The following TENM3 variants were observed in gnomAD, a reference collection of about 807,000 sequenced individuals.
TENM3 encodes teneurin-3.
Under a neutral mutation model 255.1 loss-of-function variants are expected in TENM3, and 63 were observed. The ratio of observed to expected loss-of-function variants is 0.25; its 90% CI spans 0.20 to 0.30. The LOEUF (loss-of-function observed/expected upper bound fraction) is 0.30, where lower values mean the gene tolerates loss of function less well. TENM3 is among the 10% of genes least tolerant of loss of function. TENM3 has a pLI of 1.00. For missense variants in TENM3, 2,929 were observed against 3,461.1 expected, an observed-to-expected ratio of 0.85 and a Z score of 3.86; for synonymous variants, 1,306 against 1,322.3, an observed-to-expected ratio of 0.99 and a Z score of 0.27.
the TENM3 span, among the ~76,000 whole-genome samples, chr4:181,622,719 C>T: frequency 0.99 from 150,936 of 152,298 alleles, 74,813 homozygotes; most frequent in East Asian, 1. Flanking sequence ...TTGTATGAGA[C>T]GGGAGGGCTT....
the TENM3 span, among the ~76,000 whole-genome samples, chr4:181,619,003 C>G: frequency 6.6e-6 from 1 of 152,136 alleles, no homozygotes; most frequent in Non-Finnish European, 1.5e-5. Flanking sequence ...CCTTTAGGGA[C>G]CACATAAGCA....
chr4:182,755,913 G>A (rs543066449), intron 22 of TENM3, among the ~76,000 whole-genome samples: 1 of 152,184 alleles, frequency 6.6e-6, no homozygotes. Flanking sequence ...GCCTTGGAAA[G>A]GGAAGGGACT....
chr4:182,566,606 CTG>C (rs1407349245), intron 3 of TENM3, among the ~76,000 whole-genome samples: 1 of 152,206 alleles, frequency 6.6e-6, no homozygotes, highest in Non-Finnish European at 1.5e-5. Flanking sequence ...CTTTCACGCA[CTG>C]TGTCAACTTG....
At chr4:182,232,752 AC>A (rs1756663305) in intron 1 of TENM3, among the ~76,000 whole-genome samples, 2 of 152,006 alleles carry the variant, frequency 1.3e-5, no homozygotes, top group Non-Finnish European at 2.9e-5. Context: ...GTGTTCCAGG[AC>A]TTCCAGCAGA....
At chr4:182,634,707 T>TAAAAA (rs11395245) in intron 5 of TENM3, among the ~76,000 whole-genome samples, 6 of 116,398 alleles carry the variant, frequency 5.2e-5, no homozygotes, top group Admixed American at 9.3e-5. Flanking sequence ...ACTCTGAAAT[T>TAAAAA]AAAAAAAAAA....
intron 3 of TENM3, among the ~76,000 whole-genome samples, chr4:182,459,630 C>G (rs1421621726): frequency 1.4e-4 from 22 of 151,980 alleles, no homozygotes; most frequent in Non-Finnish European, 2.6e-4. Context: ...AAAGGCAAAG[C>G]TCAGTCTTCA....
chr4:181,990,944 G>T, the TENM3 span, among the ~76,000 whole-genome samples: 1 of 151,940 alleles, frequency 6.6e-6, no homozygotes, highest in Non-Finnish European at 1.5e-5. Flanking sequence ...AATAATCAAG[G>T]TGATGATTCC....
At chr4:182,024,017 A>G in the TENM3 span, among the ~76,000 whole-genome samples, 1 of 152,336 alleles carries the variant, frequency 6.6e-6, no homozygotes, top group East Asian at 1.9e-4. Flanking sequence ...GTAAGAGAAC[A>G]TTGCAATAAT....
the TENM3 span, among the ~76,000 whole-genome samples, chr4:181,869,445 G>A: frequency 4.2e-3 from 640 of 152,152 alleles, 3 homozygotes; most frequent in African/African-American, 0.015. Context: ...TTAAGGTTAT[G>A]CATGTTATAA....
Position 182,217,009 on chromosome 4 carries a change from C to CTTTTTTTTTTTTTTTTTTT in TENM3, c.-76+72268_-76+72286dup, listed in dbSNP as rs3071526. ...TCTAAATTTCACCATCATTTTCTTT[C>CTTTTTTTTTTTTTTTTTTT]TTTTTTTTTTTTTTTTTTTTTTTTT... On this transcript the variant is annotated intron_variant, in intron 1 of 2. Coordinates refer to the TENM3 transcript ENST00000512480. 3.0e-5 allele frequency among the ~76,000 whole-genome samples: 2 copies of CTTTTTTTTTTTTTTTTTTT among 67,508 alleles called. 1 individual carries two copies. Among genetic ancestry groups the CTTTTTTTTTTTTTTTTTTT allele is most frequent in the African/African-American group, 1.1e-4 (2 of 18,304 alleles). The allele number at this position is 67,508 out of a possible 152,430, so 44.3% of individuals were successfully genotyped here. A position where few individuals can be genotyped will look rare whatever the true frequency, so the allele number is the denominator to read the frequency against.
At chr4:182,032,106 GA>G in the TENM3 span, among the ~76,000 whole-genome samples, 3 of 152,178 alleles carry the variant, frequency 2.0e-5, no homozygotes, top group African/African-American at 7.2e-5. Flanking sequence ...GGAGTGGTGA[GA>G]GAGGGTATCC....
chr4:181,737,346 T>A, the TENM3 span, among the ~76,000 whole-genome samples: 3 of 152,162 alleles, frequency 2.0e-5, no homozygotes, highest in African/African-American at 7.2e-5. Flanking sequence ...GCTACACATT[T>A]AAGCAATAAG....
At chr4:181,468,286 T>C in the TENM3 span, among the ~76,000 whole-genome samples, 1 of 152,084 alleles carries the variant, frequency 6.6e-6, no homozygotes, top group African/African-American at 2.4e-5. Flanking sequence ...AAAATTAAAA[T>C]TAAAATTAAA....
the TENM3 span, among the ~76,000 whole-genome samples, chr4:181,836,584 C>A: frequency 6.6e-6 from 1 of 152,094 alleles, no homozygotes; most frequent in Admixed American, 6.6e-5. Context: ...ACATTTATCG[C>A]TTGTTCAGCT....
chr4:182,488,549 T>G (rs1734973800), intron 3 of TENM3, among the ~76,000 whole-genome samples: 2 of 152,148 alleles, frequency 1.3e-5, no homozygotes. Context: ...TTTGTTCTTT[T>G]ACTTATATCT....
upstream of TENM3, chr4:182,144,467 G>C (rs1437465125): frequency 2.6e-5 from 4 of 151,866 alleles, no homozygotes; most frequent in East Asian, 3.9e-4. Flanking sequence ...GGCGGGGAGA[G>C]GGGGAGCGCG....
At chr4:181,718,686 C>G in the TENM3 span, among the ~76,000 whole-genome samples, 4 of 152,142 alleles carry the variant, frequency 2.6e-5, no homozygotes, top group Non-Finnish European at 1.5e-5. Flanking sequence ...GGGTCAGCCT[C>G]GCATCTGTAA....
intron 1 of TENM3, among the ~76,000 whole-genome samples, chr4:182,230,288 C>T (rs1174191651): frequency 1.3e-5 from 2 of 152,096 alleles, no homozygotes; most frequent in Non-Finnish European, 1.5e-5. Context: ...GCTCCTCACA[C>T]CTAGGCTCGC....
intron 1 of TENM3, among the ~76,000 whole-genome samples, chr4:182,293,485 G>C (rs1432840941): frequency 6.6e-6 from 1 of 152,136 alleles, no homozygotes; most frequent in African/African-American, 2.4e-5. Context: ...TCTTTCTCCT[G>C]CTCTTTCTTC....
Sources: allele counts gnomAD v4.1 joint callset (sites outside exome capture counted in the v4.1 genomes callset), GRCh38; gene constraint gnomAD v4.1.1; transcripts MANE v1.5; gene names NCBI Gene and HGNC (gene_info 2026-07-23, HGNC 2026-07-21).